Variants in TRIM51 observed in about 807,000 individuals in gnomAD.
The protein encoded by TRIM51 is tripartite motif-containing protein 51.
Under a neutral mutation model 32.7 loss-of-function variants are expected in TRIM51, and 23 were observed. The observed-to-expected ratio is 0.70, with a 90% CI of 0.51 to 1.00. The LOEUF (loss-of-function observed/expected upper bound fraction) is 1.00, where lower values mean the gene tolerates loss of function less well. Among genes scored for constraint, TRIM51 ranks in the 50% least tolerant of loss-of-function variants. The probability of loss-of-function intolerance (pLI) is 0.00; values close to 1 mark genes in which losing one functional copy is unlikely to be tolerated. For missense variants in TRIM51, 592 were observed against 539.2 expected (o/e 1.10, Z -0.97); for synonymous variants, 177 against 181.9 (o/e 0.97, Z 0.22).
rs1482120658 is a variant in TRIM51 at position 55,891,697 on chromosome 11, T to C, written c.*65T>C. 1 of 1,569,426 alleles carries C rather than the reference T, an allele frequency of 6.4e-7. No homozygotes were observed. Among genetic ancestry groups the C allele is most frequent in the African/African-American group, 1.4e-5 (1 of 73,410 alleles). On this transcript the variant is annotated 3_prime_UTR_variant, in exon 7 of 7. Coordinates refer to ENST00000449290, the MANE Select transcript of TRIM51 (RefSeq NM_032681.4). ...CCTGTTTATCCCAGAAAGCCCTCTT[T>C]TTCGCACCTCATCAAACAGAACAAA...
At chr11:55,884,182 T>TATATATACAC (rs1458218535) in intron 1 of TRIM51, among the ~76,000 whole-genome samples, 5 of 110,282 alleles carry the variant, frequency 4.5e-5, no homozygotes, top group Non-Finnish European at 7.4e-5. Flanking sequence ...TATATATATA[T>TATATATACAC]ACACATACCA....
intron 1 of TRIM51, 22 bp downstream of exon 1, chr11:55,883,406 A>C (rs1276083724): frequency 6.6e-6 from 1 of 152,202 alleles, no homozygotes; most frequent in Non-Finnish European, 1.5e-5. Flanking sequence ...TTCTATGGAG[A>C]AAATTATTTC....
At chr11:55,890,723 A>G (rs1305862994) in intron 6 of TRIM51, among the ~76,000 whole-genome samples, 1 of 152,192 alleles carries the variant, frequency 6.6e-6, no homozygotes, top group Non-Finnish European at 1.5e-5. Flanking sequence ...CCAGTTATCT[A>G]GAGCGGTGCT....
chr11:55,886,265 A>G (rs373149787), intron 3 of TRIM51, 47 bp downstream of exon 3: 2 of 1,408,776 alleles, frequency 1.4e-6, no homozygotes, highest in Non-Finnish European at 1.0e-6. Context: ...ATAGTGAACA[A>G]ATGGGTGACT....
At chr11:55,888,349 A>C (rs1854604449) in intron 4 of TRIM51, 87 bp downstream of exon 4, 3 of 1,013,924 alleles carry the variant, frequency 3.0e-6, no homozygotes, top group Non-Finnish European at 4.7e-6. Context: ...CTCCCCCTTC[A>C]CTTCCATTAT....
intron 3 of TRIM51, among the ~76,000 whole-genome samples, chr11:55,886,484 G>A (rs924025792): frequency 5.9e-5 from 9 of 152,032 alleles, no homozygotes; most frequent in Non-Finnish European, 1.3e-4. Context: ...CAAGAAACTG[G>A]GACACTTCAC....
At chr11:55,884,876 C>T (rs1854554662) in intron 1 of TRIM51, among the ~76,000 whole-genome samples, 1 of 151,700 alleles carries the variant, frequency 6.6e-6, no homozygotes, top group Non-Finnish European at 1.5e-5. Context: ...ATTTTATCTC[C>T]TAGTGATCCT....
At chr11:55,883,867 C>T (rs566885547) in intron 1 of TRIM51, among the ~76,000 whole-genome samples, 9 of 151,768 alleles carry the variant, frequency 5.9e-5, no homozygotes, top group Non-Finnish European at 1.0e-4. Context: ...AATCAAAACA[C>T]GATTGTTTAG....
In TRIM51 at chr11:55,888,245, G is replaced by T; in HGVS notation, c.721G>T (p.Asp241Tyr). 6.2e-7 allele frequency: 1 copy of T among 1,612,352 alleles called. No individual in the cohort carries two copies. Among genetic ancestry groups the T allele is most frequent in the Non-Finnish European group, 8.5e-7 (1 of 1,178,830 alleles). ...EDLKQMCHKA[D>Y]VELLQAFGDI... ...TCTGAAGCAAATGTGCCATAAAGCA[G>T]ATGTGGAGCTACTCCAGGTATGGAC... The change falls in exon 4 of 7, where the codon GAT (aspartate) becomes TAT (tyrosine). Residue 241 changes from aspartate (D) to tyrosine (Y), a missense_variant. Coordinates refer to ENST00000449290, the MANE Select transcript of TRIM51 (RefSeq NM_032681.4).
intron 6 of TRIM51, among the ~76,000 whole-genome samples, chr11:55,890,305 T>C (rs1041050480): frequency 1.3e-5 from 2 of 152,066 alleles, no homozygotes; most frequent in Admixed American, 6.6e-5. Flanking sequence ...AAATAAAAAA[T>C]TGAATAAATG....
At position 55,889,964 on chromosome 11, in the gene TRIM51, G is replaced by C; in HGVS notation, c.784G>C (p.Val262Leu). The C allele has an allele frequency of 6.2e-7, 1 of 1,613,238 alleles. No individual in the cohort carries two copies. ...LHRYESLLLQ[V>L]SEPVNPELSA... is the part of the protein sequence containing the mutation. The stretch of plus-strand genomic sequence containing the variant: ...CAGGTATGAGTCTCTGCTGCTGCAA[G>C]TGTCTGAGCCTGTGAATCCAGAGCT... The change falls in exon 6 of 7, where the codon GTG (valine) becomes CTG (leucine). Residue 262 changes from valine (V) to leucine (L), a missense_variant. Transcript: ENST00000449290.
chr11:55,888,166 A>G lies in TRIM51; in HGVS notation c.642A>G (p.Glu214=), dbSNP rs1158701308. 1 of 1,613,616 alleles carries G rather than the reference A, an allele frequency of 6.2e-7. No homozygotes were observed. Among genetic ancestry groups the G allele is most frequent in the African/African-American group, 1.3e-5 (1 of 74,912 alleles). Residue 214 remains glutamate (E), a synonymous_variant, in exon 4 of 7, where the codon GAA becomes GAG. Transcript: ENST00000449290. The stretch of plus-strand genomic sequence containing the variant: ...AGGACATTTTTCAGCAACTCAATGA[A>G]AGCAAAGCCAGAATGGAACATTCCA... The part of the protein sequence containing the change: ...EGEDIFQQLN[E]SKARMEHSRE...
chr11:55,885,896 T>C (rs1854571840), intron 2 of TRIM51, 57 bp downstream of exon 2: 1 of 1,609,368 alleles, frequency 6.2e-7, no homozygotes. Context: ...TTCTTGTAAG[T>C]CTATTTCCTT....
In TRIM51 at chr11:55,888,336, C is replaced by A. The variant is rs1481629837; in HGVS notation, c.738+74C>A. On this transcript the variant is annotated intron_variant, in intron 4 of 6. Transcript: ENST00000449290. ...GGTGTTTTTCCTCTCTCCTGAACTC[C>A]GTCTCCCCCTTCACTTCCATTATTT... 20 of 1,095,714 alleles carry A rather than the reference C, an allele frequency of 1.8e-5. No homozygotes were observed. In the Admixed American group the frequency reaches 3.3e-4, roughly 18 times the overall value. 67.9% of individuals were successfully genotyped at this position (1,095,714 alleles called of 1,614,324 possible).
chr11:55,885,583 G>T lies in TRIM51; in HGVS notation c.155G>T (p.Cys52Phe). 6.2e-7 allele frequency: 1 copy of T among 1,611,758 alleles called. No homozygotes were observed. Among genetic ancestry groups the T allele is most frequent in the Non-Finnish European group, 8.5e-7 (1 of 1,179,700 alleles). Residue 52 changes from cysteine to phenylalanine, a missense_variant, in exon 2 of 7, where the codon TGC becomes TTC. Coordinates refer to ENST00000449290, the MANE Select transcript of TRIM51 (RefSeq NM_032681.4). Reference sequence around the variant, plus strand: ...CAAGACACGGCAGTTCTTGCTCAGTGCTCTGAATGCAAGAAGACAACGCGG... The same window carrying T: ...CAAGACACGGCAGTTCTTGCTCAGTTCTCTGAATGCAAGAAGACAACGCGG... ...NWQDTAVLAQ[C>F]SECKKTTRQR...
chr11:55,888,344 C>T (rs1381623190), intron 4 of TRIM51, 82 bp downstream of exon 4: 3 of 1,030,350 alleles, frequency 2.9e-6, no homozygotes, highest in African/African-American at 1.6e-5. Flanking sequence ...TCCGTCTCCC[C>T]CTTCACTTCC....
chr11:55,886,105 T>A lies in TRIM51; in HGVS notation c.412-18T>A. The A allele has an allele frequency of 6.2e-7, 1 of 1,609,100 alleles. No individual in the cohort carries two copies. ...TTTATTGTCCTCACTTGTGCTTCAATTCGTGGCTGTTTTGCAGGAGGAGCT... is the reference window on the plus strand; with the variant it reads ...TTTATTGTCCTCACTTGTGCTTCAAATCGTGGCTGTTTTGCAGGAGGAGCT... On this transcript the variant is annotated intron_variant, in intron 2 of 6. Transcript: ENST00000449290.
chr11:55,885,994 T>C (rs1590632541), intron 2 of TRIM51, 129 bp from the exon 3 acceptor site: 1 of 1,484,302 alleles, frequency 6.7e-7, no homozygotes, highest in Non-Finnish European at 9.1e-7. Flanking sequence ...TTGACAAACA[T>C]GAGGAGAAAC....
intron 1 of TRIM51, among the ~76,000 whole-genome samples, chr11:55,884,983 C>T (rs1854556196): frequency 6.6e-6 from 1 of 151,772 alleles, no homozygotes. Flanking sequence ...CGGTCCCTCT[C>T]TCTAAAAATA....
Sources: allele counts gnomAD v4.1 joint callset (sites outside exome capture counted in the v4.1 genomes callset), GRCh38; gene constraint gnomAD v4.1.1; transcripts MANE v1.5; gene names NCBI Gene and HGNC (gene_info 2026-07-23, HGNC 2026-07-21).